Variants in KMT2E observed in about 807,000 individuals in gnomAD.
KMT2E encodes the protein histone reader KMT2E.
KMT2E carries 30 observed loss-of-function variants against 184.6 expected under a neutral mutation model. That is an observed-to-expected ratio of 0.16 (90% confidence interval 0.12 to 0.22). KMT2E has a LOEUF of 0.22. Among genes scored for constraint, KMT2E ranks in the 10% least tolerant of loss-of-function variants. KMT2E has a pLI of 1.00. For missense variants in KMT2E, 2,023 were observed against 2,237.4 expected (o/e 0.90, Z 1.93); for synonymous variants, 815 against 776.5 (o/e 1.05, Z -0.82).
rs1799311792 is a variant in KMT2E at position 105,111,955 on chromosome 7, A to C, written c.4199A>C (p.Gln1400Pro). 9 of 1,614,202 alleles carry C rather than the reference A, an allele frequency of 5.6e-6. No homozygotes were observed. The highest frequency in any genetic ancestry group is 6.8e-6 in the Non-Finnish European group (8 of 1,180,030). Residue 1400 changes from glutamine (Q) to proline (P), a missense_variant, in exon 27 of 27, where the codon CAA becomes CCA. By Grantham distance (76) the Gln-to-Pro change is moderately conservative. Around this residue, in one of 8 missense-constraint regions of KMT2E, gnomAD observed 1,108 missense variants for 1,050.9 expected, o/e 1.05. Transcript: ENST00000311117. ...ENGVHLKTEL[Q>P]QKQLSNNNQA... Reference sequence around the variant, plus strand: ...GGTGTTCACCTAAAAACAGAGCTCCAACAAAAACAGCTATCAAATAACAAC... The same window carrying C: ...GGTGTTCACCTAAAAACAGAGCTCCCACAAAAACAGCTATCAAATAACAAC...
rs1798963058 is a variant in KMT2E, at chr7:105,107,524, C to G, written c.3067C>G (p.Leu1023Val). The G allele has an allele frequency of 1.2e-6, 2 of 1,614,002 alleles. No individual in the cohort carries two copies. The highest frequency in any genetic ancestry group is 1.7e-5 in the Admixed American group (1 of 59,994). ...TGGAGAAAAGGAACCTGTGTCAGACCTTCAGCTAGGACTCGATGCAGTTGA... is the reference window on the plus strand; with the variant it reads ...TGGAGAAAAGGAACCTGTGTCAGACGTTCAGCTAGGACTCGATGCAGTTGA... The part of the protein sequence containing the change: ...CPGEKEPVSD[L>V]QLGLDAVEPT... The change falls in exon 22 of 27, where the codon CTT (leucine) becomes GTT (valine). Residue 1023 changes from leucine (L) to valine (V), a missense_variant. Transcript: ENST00000311117.
chr7:105,033,250 G>T (rs1009129537), intron 1 of KMT2E, among the ~76,000 whole-genome samples: 7 of 152,180 alleles, frequency 4.6e-5, no homozygotes, highest in African/African-American at 9.6e-5. Flanking sequence ...TATTTCATGT[G>T]TAGGCAAATT....
rs762259853 is a variant in KMT2E, at chr7:105,112,915, C to T, written c.5159C>T (p.Pro1720Leu). Residue 1720 changes from proline (P) to leucine (L), a missense_variant, in exon 27 of 27, where the codon CCG becomes CTG. Physicochemically the swap from Pro to Leu is moderately conservative, Grantham distance 98. This residue lies in a region of KMT2E where 1,108 missense variants were observed against 1,050.9 expected (regional missense o/e 1.05). Coordinates refer to ENST00000311117, the MANE Select transcript of KMT2E (RefSeq NM_182931.3). ...VVNSAPPPPP[P>L]PPPSSVLASG... ...AATTCAGCACCCCCACCACCCCCTCCGCCGCCACCTTCCAGTGTTTTGGCT... is the reference window on the plus strand; with the variant it reads ...AATTCAGCACCCCCACCACCCCCTCTGCCGCCACCTTCCAGTGTTTTGGCT... The T allele has an allele frequency of 1.4e-5, 22 of 1,613,564 alleles. No homozygotes were observed. Among genetic ancestry groups the T allele is most frequent in the Middle Eastern group, 1.6e-4 (1 of 6,084 alleles).
At chr7:105,109,309 G>A (rs1461032031) in intron 23 of KMT2E, 81 bp downstream of exon 23, 2 of 1,416,848 alleles carry the variant, frequency 1.4e-6, no homozygotes, top group Non-Finnish European at 1.9e-6. Context: ...TTCTCCCAAG[G>A]CTAAGCTGAT....
intron 1 of KMT2E, among the ~76,000 whole-genome samples, chr7:105,032,439 G>A (rs188264621): frequency 4.6e-5 from 7 of 152,068 alleles, no homozygotes; most frequent in South Asian, 2.1e-4. Context: ...GCGAGACTCC[G>A]TCTCAAGAAA....
intron 3 of KMT2E, among the ~76,000 whole-genome samples, chr7:105,056,127 G>A (rs954764726): frequency 6.6e-6 from 1 of 152,128 alleles, no homozygotes; most frequent in Admixed American, 6.5e-5. Flanking sequence ...TTAAATGGAT[G>A]TAGTCTCCAG....
intron 17 of KMT2E, chr7:105,103,690 A>T (rs1399637031): frequency 6.6e-6 from 1 of 152,092 alleles, no homozygotes; most frequent in Non-Finnish European, 1.5e-5. Flanking sequence ...AAAGATGCTA[A>T]AATGTTTACA....
intron 1 of KMT2E, among the ~76,000 whole-genome samples, chr7:105,026,300 T>G (rs1795176033): frequency 6.6e-6 from 1 of 152,206 alleles, no homozygotes; most frequent in South Asian, 2.1e-4. Flanking sequence ...GTGGGGTTTA[T>G]AGGACTCTGC....
Position 105,113,585 on chromosome 7 carries a change from T to G in KMT2E, c.*252T>G. The G allele has an allele frequency of 2.4e-6, 1 of 420,238 alleles. No individual in the cohort carries two copies. Among genetic ancestry groups the G allele is most frequent in the Non-Finnish European group, 4.2e-6 (1 of 237,222 alleles). 26.0% of individuals were successfully genotyped at this position (420,238 alleles called of 1,614,324 possible). A position where few individuals can be genotyped will look rare whatever the true frequency, so the allele number is the denominator to read the frequency against. On this transcript the variant is annotated 3_prime_UTR_variant, in exon 27 of 27. Transcript: ENST00000311117. ...TTTTTCTGGCAGATCTGATGCTGAT[T>G]TGATGCTGTATGATCTTTTTTTTTT...
chr7:105,104,524 C>T (rs1335484444), intron 17 of KMT2E: 1 of 151,750 alleles, frequency 6.6e-6, no homozygotes, highest in Non-Finnish European at 1.5e-5. Context: ...CCTGTCTCTA[C>T]AGAAAATTAA....
chr7:105,020,249 C>T (rs1343920476), intron 1 of KMT2E, among the ~76,000 whole-genome samples: 1 of 152,118 alleles, frequency 6.6e-6, no homozygotes, highest in African/African-American at 2.4e-5. Flanking sequence ...GCCTGTCTAG[C>T]ATACGATAGT....
chr7:105,049,210 T>A (rs1218545553), intron 3 of KMT2E, among the ~76,000 whole-genome samples: 2 of 151,938 alleles, frequency 1.3e-5, no homozygotes, highest in Non-Finnish European at 2.9e-5. Context: ...TTTGGGAGGC[T>A]GAGGCTGGCC....
intron 13 of KMT2E, among the ~76,000 whole-genome samples, chr7:105,083,999 GTCTT>G (rs1006113006): frequency 6.6e-6 from 1 of 152,010 alleles, no homozygotes; most frequent in African/African-American, 2.4e-5. Context: ...CTATAGCTAT[GTCTT>G]TCTTATATAG....
At chr7:105,098,014 G>T (rs1798487464) in intron 15 of KMT2E, among the ~76,000 whole-genome samples, 1 of 152,158 alleles carries the variant, frequency 6.6e-6, no homozygotes, top group South Asian at 2.1e-4. Flanking sequence ...ATCATCACAT[G>T]ATAGAGGAAA....
chr7:105,088,756 C>T (rs1798086583), intron 13 of KMT2E, among the ~76,000 whole-genome samples: 2 of 152,180 alleles, frequency 1.3e-5, no homozygotes, highest in Non-Finnish European at 2.9e-5. Context: ...GATGCTAATC[C>T]TCAGTGAGTT....
chr7:105,036,509 T>C (rs2129565009), intron 1 of KMT2E, among the ~76,000 whole-genome samples: 1 of 152,250 alleles, frequency 6.6e-6, no homozygotes, highest in Middle Eastern at 3.4e-3. Context: ...ATGTGTAGGC[T>C]CTGGAATCAG....
chr7:105,098,366 A>G (rs1798512567), intron 15 of KMT2E, among the ~76,000 whole-genome samples: 1 of 151,764 alleles, frequency 6.6e-6, no homozygotes, highest in Non-Finnish European at 1.5e-5. Context: ...CAGTGTCTGG[A>G]GTAGCCAGAA....
At chr7:105,106,903 CAG>C (rs1798922851) in intron 20 of KMT2E, 131 bp downstream of exon 20, 11 of 909,614 alleles carry the variant, frequency 1.2e-5, no homozygotes, top group African/African-American at 1.7e-5. Flanking sequence ...AACTAAAAAT[CAG>C]AAAAATTCAT....
intron 21 of KMT2E, 43 bp from the exon 22 acceptor site, chr7:105,107,319 G>C (rs756467920): frequency 6.5e-7 from 1 of 1,527,466 alleles, no homozygotes; most frequent in Non-Finnish European, 8.8e-7. Context: ...ACAGTCCCAA[G>C]ATGTGATTAT....
Sources: allele counts gnomAD v4.1 joint callset (sites outside exome capture counted in the v4.1 genomes callset), GRCh38; gene constraint gnomAD v4.1.1; regional missense constraint gnomAD v4.1.1; transcripts MANE v1.5; gene names NCBI Gene and HGNC (gene_info 2026-07-23, HGNC 2026-07-21).